The following MAGI3 variants were observed in gnomAD, a reference collection of about 807,000 sequenced individuals.
The protein encoded by MAGI3 is membrane-associated guanylate kinase, WW and PDZ domain-containing protein 3.
In MAGI3, 43 loss-of-function variants were observed where a neutral mutation model predicts 121.8. The ratio of observed to expected loss-of-function variants is 0.35; its 90% CI spans 0.28 to 0.46. The LOEUF is 0.46. Ranked by LOEUF, MAGI3 falls within the 20% of genes least tolerant of loss-of-function variation. MAGI3 has a pLI of 1.00. For missense variants in MAGI3, 1,547 were observed against 1,797.3 expected (o/e 0.86, Z 2.52); for synonymous variants, 553 against 639.3 (o/e 0.86, Z 2.04).
chr1:113,468,419 G>A (rs1232878803), intron 1 of MAGI3, among the ~76,000 whole-genome samples: 2 of 152,106 alleles, frequency 1.3e-5, no homozygotes, highest in African/African-American at 4.8e-5. Flanking sequence ...TTATAACAAG[G>A]TATTTTAAAG....
At chr1:113,395,440 G>A (rs1198210003) in intron 1 of MAGI3, among the ~76,000 whole-genome samples, 1 of 151,288 alleles carries the variant, frequency 6.6e-6, no homozygotes, top group Non-Finnish European at 1.5e-5. Context: ...TCAGGTTTTG[G>A]ATTCTGTTCA....
intron 20 of MAGI3, chr1:113,682,248 C>T (rs751991308): frequency 6.2e-7 from 1 of 1,611,810 alleles, no homozygotes; most frequent in African/African-American, 1.3e-5. Flanking sequence ...TACGTGAAAC[C>T]CGAGCAACAT....
At chr1:113,445,509 T>G (rs909355891) in intron 1 of MAGI3, among the ~76,000 whole-genome samples, 5 of 152,100 alleles carry the variant, frequency 3.3e-5, no homozygotes, top group Non-Finnish European at 7.4e-5. Flanking sequence ...CTCAGGATAC[T>G]TGGGAGGCTG....
chr1:113,553,553 T>C (rs1659867396), intron 2 of MAGI3, among the ~76,000 whole-genome samples: 1 of 151,988 alleles, frequency 6.6e-6, no homozygotes, highest in Non-Finnish European at 1.5e-5. Context: ...CCCATAAGGG[T>C]CCTCCCTTAC....
intron 1 of MAGI3, among the ~76,000 whole-genome samples, chr1:113,516,506 CA>C (rs563915017): frequency 6.7e-5 from 10 of 148,770 alleles, no homozygotes; most frequent in Non-Finnish European, 1.5e-4. Context: ...ATAATTTATG[CA>C]AAAAAAATAA....
chr1:113,494,209 C>G (rs1656805502), intron 1 of MAGI3, among the ~76,000 whole-genome samples: 2 of 152,122 alleles, frequency 1.3e-5, no homozygotes, highest in Non-Finnish European at 2.9e-5. Flanking sequence ...ATGTCCTTTG[C>G]AGGAACATGG....
At chr1:113,633,700 G>C (rs1651814321) in intron 9 of MAGI3, among the ~76,000 whole-genome samples, 1 of 152,132 alleles carries the variant, frequency 6.6e-6, no homozygotes, top group Non-Finnish European at 1.5e-5. Flanking sequence ...AAACATACTT[G>C]TGCATGTGTC....
At chr1:113,580,201 T>C (rs1647921174) in intron 2 of MAGI3, among the ~76,000 whole-genome samples, 1 of 152,166 alleles carries the variant, frequency 6.6e-6, no homozygotes, top group Admixed American at 6.6e-5. Context: ...TGTCCAACTT[T>C]TAAAAATAAA....
chr1:113,519,084 A>G (rs1646349951), intron 1 of MAGI3, among the ~76,000 whole-genome samples: 1 of 152,214 alleles, frequency 6.6e-6, no homozygotes, highest in Admixed American at 6.5e-5. Context: ...CTATGAAAAC[A>G]GAAACCAAAG....
intron 1 of MAGI3, among the ~76,000 whole-genome samples, chr1:113,485,578 T>G (rs1363563209): frequency 6.6e-6 from 1 of 152,224 alleles, no homozygotes; most frequent in African/African-American, 2.4e-5. Context: ...TTACCAGATG[T>G]ATAGACTGTG....
intron 6 of MAGI3, among the ~76,000 whole-genome samples, chr1:113,608,593 G>A (rs1442478356): frequency 6.6e-6 from 1 of 152,142 alleles, no homozygotes; most frequent in African/African-American, 2.4e-5. Context: ...ACCAGAATAC[G>A]CCTCTGCAGG....
chr1:113,625,462 T>C (rs1419723555), intron 9 of MAGI3, among the ~76,000 whole-genome samples: 2 of 152,234 alleles, frequency 1.3e-5, no homozygotes, highest in East Asian at 3.8e-4. Context: ...TTGTGGCTAT[T>C]GTGAATAGGA....
chr1:113,549,556 C>A lies in MAGI3; in HGVS notation c.358C>A (p.Gln120Lys), dbSNP rs1443502538. Residue 120 changes from glutamine (Q) to lysine (K), a missense_variant, in exon 2 of 21, where the codon CAG becomes AAG. Physicochemically the swap from Gln to Lys is moderately conservative, Grantham distance 53. Transcript: ENST00000307546. ...NKDLRHYLSL[Q>K]FQKGSIDHKL... ...AGATTTGCGGCATTACCTAAGTCTT[C>A]AGTTTCAAAAAGGATCAATTGACCA... 4 of 1,606,714 alleles carry A rather than the reference C, an allele frequency of 2.5e-6. No individual in the cohort carries two copies. The highest frequency in any genetic ancestry group is 3.4e-6 in the Non-Finnish European group (4 of 1,176,716).
chr1:113,426,992 C>T (rs1653042807), intron 1 of MAGI3, among the ~76,000 whole-genome samples: 1 of 151,826 alleles, frequency 6.6e-6, no homozygotes, highest in Admixed American at 6.5e-5. Context: ...GTCTCTCTCC[C>T]CCCTCTCTTT....
At chr1:113,488,300 C>T (rs918712490) in intron 1 of MAGI3, among the ~76,000 whole-genome samples, 2 of 152,198 alleles carry the variant, frequency 1.3e-5, no homozygotes, top group Non-Finnish European at 2.9e-5. Context: ...CAGGGACAGC[C>T]ATCCCCATAG....
chr1:113,437,889 T>C (rs1653696242), intron 1 of MAGI3, among the ~76,000 whole-genome samples: 1 of 3,706 alleles, frequency 2.7e-4, no homozygotes, highest in Non-Finnish European at 8.6e-4. Flanking sequence ...TCCTTCTCCT[T>C]CTCCTTCTCC....
chr1:113,616,789 G>A (rs941226010), intron 7 of MAGI3, among the ~76,000 whole-genome samples: 1 of 151,694 alleles, frequency 6.6e-6, no homozygotes, highest in East Asian at 1.9e-4. Context: ...TTCAGTACAC[G>A]TAATATATAG....
chr1:113,641,833 A>C, intron 9 of MAGI3, 78 bp from the exon 10 acceptor site: 1 of 1,332,454 alleles, frequency 7.5e-7, no homozygotes, highest in Non-Finnish European at 1.0e-6. Flanking sequence ...GCTAAATTGT[A>C]GTTATTTTTG....
intron 1 of MAGI3, among the ~76,000 whole-genome samples, chr1:113,523,679 A>C (rs188693746): frequency 1.3e-5 from 2 of 152,330 alleles, no homozygotes; most frequent in East Asian, 3.9e-4. Flanking sequence ...CTTGGGTGCT[A>C]TTAAAGGCAA....
Sources: gnomAD v4.1 joint callset for allele counts (sites outside exome capture counted in the v4.1 genomes callset) on GRCh38, gnomAD v4.1.1 for gene constraint, MANE v1.5 for transcripts, NCBI Gene and HGNC (gene_info 2026-07-23, HGNC 2026-07-21) for gene names.